Variants in ZBTB7C observed in about 807,000 individuals in gnomAD.
ZBTB7C encodes the protein zinc finger and BTB domain-containing protein 7C.
A neutral mutation model predicts 25.7 loss-of-function variants in ZBTB7C; 8 were observed. The ratio of observed to expected loss-of-function variants is 0.31; its 90% CI spans 0.18 to 0.56. The LOEUF (loss-of-function observed/expected upper bound fraction) is 0.56. Ranked by LOEUF, ZBTB7C falls within the 20% of genes least tolerant of loss-of-function variation. The probability of loss-of-function intolerance (pLI) is 0.91; values close to 1 mark genes in which losing one functional copy is unlikely to be tolerated. For missense variants in ZBTB7C, 824 were observed against 855.2 expected (o/e 0.96, Z 0.46); for synonymous variants, 394 against 369.0 (o/e 1.07, Z -0.78).
At chr18:48,163,087 A>T (rs112533267) in intron 3 of ZBTB7C, among the ~76,000 whole-genome samples, 106 of 152,118 alleles carry the variant, frequency 7.0e-4, no homozygotes, top group Non-Finnish European at 2.5e-4. Flanking sequence ...CTGAGAAGGG[A>T]TGTAGGGGCG....
chr18:48,287,882 C>T (rs2045104646), intron 2 of ZBTB7C, among the ~76,000 whole-genome samples: 1 of 152,140 alleles, frequency 6.6e-6, no homozygotes, highest in Non-Finnish European at 1.5e-5. Context: ...GATTAAGCTC[C>T]TAGCAAACTA....
At chr18:48,273,732 A>G (rs1181930320) in intron 2 of ZBTB7C, among the ~76,000 whole-genome samples, 1 of 152,144 alleles carries the variant, frequency 6.6e-6, no homozygotes, top group East Asian at 1.9e-4. Flanking sequence ...TAGTTACATA[A>G]TTTCTCTGTA....
At chr18:48,113,259 C>G (rs1437362849) in intron 3 of ZBTB7C, among the ~76,000 whole-genome samples, 1 of 152,236 alleles carries the variant, frequency 6.6e-6, no homozygotes, top group Non-Finnish European at 1.5e-5. Flanking sequence ...GTTATCTCAT[C>G]TGCTAAATGG....
chr18:48,227,034 A>AG (rs2043118854), intron 2 of ZBTB7C, among the ~76,000 whole-genome samples: 1 of 149,426 alleles, frequency 6.7e-6, no homozygotes, highest in East Asian at 1.9e-4. Flanking sequence ...AAAAAAAAAA[A>AG]AAAAGAAAAA....
chr18:48,367,373 A>ATATATATAT lies in ZBTB7C; in HGVS notation c.-303-28976_-303-28975insATATATATA, dbSNP rs757386700. Among the ~76,000 whole-genome samples, 879 of 96,292 alleles carry ATATATATAT rather than the reference A, an allele frequency of 9.1e-3. 12 individuals carry two copies. Among genetic ancestry groups the ATATATATAT allele is most frequent in the Middle Eastern group, 0.042 (7 of 166 alleles). The allele number at this position is 96,292 out of a possible 152,430, so 63.2% of individuals were successfully genotyped here. Reference sequence around the variant, plus strand: ...ATATATATATATATATATATATATAAAATACAAACAGAAGACTCTAAAAGG... The same window carrying ATATATATAT: ...ATATATATATATATATATATATATAATATATATATAATACAAACAGAAGACTCTAAAAGG... On this transcript the variant is annotated intron_variant, in intron 1 of 4. Transcript: ENST00000590800.
At chr18:48,213,484 C>A (rs1007224908) in intron 2 of ZBTB7C, among the ~76,000 whole-genome samples, 1 of 152,164 alleles carries the variant, frequency 6.6e-6, no homozygotes, top group East Asian at 1.9e-4. Context: ...TTCTCCTGTG[C>A]GTGCTAGAGA....
intron 3 of ZBTB7C, among the ~76,000 whole-genome samples, chr18:48,175,254 A>G (rs1022430940): frequency 6.6e-5 from 10 of 152,186 alleles, no homozygotes; most frequent in Non-Finnish European, 1.5e-4. Context: ...TGGCATGGTG[A>G]GGTGGGGATG....
chr18:48,035,030 T>C (rs1276415914), intron 4 of ZBTB7C, among the ~76,000 whole-genome samples: 1 of 152,170 alleles, frequency 6.6e-6, no homozygotes, highest in Non-Finnish European at 1.5e-5. Context: ...GCTAATGCCA[T>C]TACATTATCT....
chr18:48,085,324 G>C (rs1161752061), intron 3 of ZBTB7C, among the ~76,000 whole-genome samples: 3 of 152,154 alleles, frequency 2.0e-5, no homozygotes, highest in African/African-American at 7.2e-5. Flanking sequence ...TGTTTACCTT[G>C]TGGTGCCTAC....
Position 48,027,420 on chromosome 18 carries a change from G to C in ZBTB7C, c.*1840C>G, listed in dbSNP as rs910326275. The C allele has an allele frequency of 2.0e-5, 3 of 151,296 alleles. No individual in the cohort carries two copies. The highest frequency in any genetic ancestry group is 7.3e-5 in the African/African-American group (3 of 41,126). 9.4% of individuals were successfully genotyped at this position (151,296 alleles called of 1,614,324 possible). A position where few individuals can be genotyped will look rare whatever the true frequency, so the allele number is the denominator to read the frequency against. On this transcript the variant is annotated 3_prime_UTR_variant, in exon 5 of 5. Transcript: ENST00000590800. ...GTTCAGCCCCAATCACTTGGCTGATGGGGGGGAACACGGGGGCACGTTGGC... is the reference window on the plus strand; with the variant it reads ...GTTCAGCCCCAATCACTTGGCTGATCGGGGGGAACACGGGGGCACGTTGGC...
At chr18:48,149,775 T>C (rs2040613961) in intron 3 of ZBTB7C, 4 of 151,590 alleles carry the variant, frequency 2.6e-5, no homozygotes, top group Non-Finnish European at 2.9e-5. Flanking sequence ...CTAAGAACTT[T>C]GCATGCATCA....
chr18:48,404,027 C>A (rs952017555), intron 1 of ZBTB7C, among the ~76,000 whole-genome samples: 1 of 152,056 alleles, frequency 6.6e-6, no homozygotes, highest in African/African-American at 2.4e-5. Context: ...GTGAGGCAGG[C>A]GGATCGCCTG....
intron 3 of ZBTB7C, chr18:48,180,501 A>G (rs1258484994): frequency 8.1e-6 from 3 of 370,624 alleles, no homozygotes; most frequent in Non-Finnish European, 1.6e-5. Context: ...GAAATGAAGC[A>G]GGCATGGGTG....
chr18:48,166,098 A>G (rs1009667958), intron 3 of ZBTB7C, among the ~76,000 whole-genome samples: 5 of 152,102 alleles, frequency 3.3e-5, no homozygotes, highest in South Asian at 2.1e-4. Flanking sequence ...TGTAACATAA[A>G]TGTTGCTATT....
At chr18:48,291,276 C>G (rs1455896730) in intron 2 of ZBTB7C, among the ~76,000 whole-genome samples, 1 of 151,986 alleles carries the variant, frequency 6.6e-6, no homozygotes, top group African/African-American at 2.4e-5. Flanking sequence ...TCCACAAACT[C>G]AGGGAGGGTG....
intron 3 of ZBTB7C, among the ~76,000 whole-genome samples, chr18:48,184,768 A>G (rs1262792148): frequency 2.6e-5 from 4 of 151,814 alleles, no homozygotes; most frequent in Non-Finnish European, 5.9e-5. Flanking sequence ...TGGCCCCATT[A>G]CTGGCCTCAC....
At chr18:48,296,003 C>T (rs894639190) in intron 2 of ZBTB7C, among the ~76,000 whole-genome samples, 1 of 152,230 alleles carries the variant, frequency 6.6e-6, no homozygotes, top group Non-Finnish European at 1.5e-5. Flanking sequence ...GCATAAATCC[C>T]TCCCTTCCAC....
At chr18:48,229,170 C>T (rs763377069) in intron 2 of ZBTB7C, among the ~76,000 whole-genome samples, 8 of 152,144 alleles carry the variant, frequency 5.3e-5, no homozygotes, top group Admixed American at 2.6e-4. Flanking sequence ...CCCCAGACCC[C>T]GACATTCTGC....
chr18:48,098,173 CG>C lies in ZBTB7C; in HGVS notation c.-16-57051del, dbSNP rs1190221071. Among the ~76,000 whole-genome samples, 5 of 152,266 alleles carry C rather than the reference CG, an allele frequency of 3.3e-5. No individual in the cohort carries two copies. The East Asian group carries it at 9.7e-4, about 29-fold the overall frequency. Reference sequence around the variant, plus strand: ...CATGAGAGGGAGTGATTCACTCTGACGGGGCCTTTTGAACATGGACTTGAAC... The same window carrying C: ...CATGAGAGGGAGTGATTCACTCTGACGGGCCTTTTGAACATGGACTTGAAC... On this transcript the variant is annotated intron_variant, in intron 3 of 4. Coordinates refer to ENST00000590800, the MANE Select transcript of ZBTB7C (RefSeq NM_001318841.2).
Sources: gnomAD v4.1 joint callset for allele counts (sites outside exome capture counted in the v4.1 genomes callset) on GRCh38, gnomAD v4.1.1 for gene constraint, MANE v1.5 for transcripts, NCBI Gene and HGNC (gene_info 2026-07-23, HGNC 2026-07-21) for gene names.